The following LUZP1 variants were observed in gnomAD, a reference collection of about 807,000 sequenced individuals.
LUZP1 encodes the protein filamin mechanobinding actin cross-linking protein.
Under a neutral mutation model 71.3 loss-of-function variants are expected in LUZP1, and 25 were observed. The ratio of observed to expected loss-of-function variants is 0.35; its 90% CI spans 0.26 to 0.49. LUZP1 has a LOEUF of 0.49. Ranked by LOEUF, LUZP1 falls within the 20% of genes least tolerant of loss-of-function variation. The pLI is 0.99. For synonymous variants in LUZP1, 481 were observed against 506.4 expected (o/e 0.95, Z 0.67); for missense variants, 1,142 against 1,300.8 (o/e 0.88, Z 1.88).
At chr1:23,097,129 G>A (rs1419540989) in intron 3 of LUZP1, among the ~76,000 whole-genome samples, 1 of 152,122 alleles carries the variant, frequency 6.6e-6, no homozygotes, top group Non-Finnish European at 1.5e-5. Flanking sequence ...GGAACAAAAA[G>A]GGTTGAACTT....
At chr1:23,107,027 G>A (rs571521278) in intron 3 of LUZP1, among the ~76,000 whole-genome samples, 113 of 152,304 alleles carry the variant, frequency 7.4e-4, no homozygotes, top group Middle Eastern at 6.8e-3. Context: ...CTCCAATCCA[G>A]CCACACGGCC....
In LUZP1 at chr1:23,093,007, T is replaced by G; in HGVS notation, c.1255A>C (p.Arg419=). The G allele has an allele frequency of 6.2e-7, 1 of 1,614,182 alleles. No homozygotes were observed. The highest frequency in any genetic ancestry group is 2.2e-5 in the East Asian group (1 of 44,886). Residue 419 remains arginine (R), a synonymous_variant, in exon 4 of 5, where the codon AGG becomes CGG. Coordinates refer to ENST00000302291, the Ensembl canonical transcript of LUZP1. This position sits in a 1 kb window ranked among gnomAD's most constrained non-coding sequence, Gnocchi z 4.2. ...GTGAAACTGGGAGAAGAAACCTGCC[T>G]GTTGCTCAGAGAATAGTTTTCATTG...
exon 5 of LUZP1, chr1:23,086,707 A>T (rs945737186): frequency 6.6e-6 from 1 of 152,570 alleles, no homozygotes; most frequent in Non-Finnish European, 1.5e-5. Flanking sequence ...AATGGCAGGG[A>T]GGCTGCAAGT....
chr1:23,092,695 G>A lies in LUZP1; in HGVS notation c.1567C>T (p.Pro523Ser), dbSNP rs902972221. Residue 523 changes from proline (P) to serine (S), a missense_variant, in exon 4 of 5, where the codon CCA becomes TCA. Transcript: ENST00000302291. Reference sequence around the variant, plus strand: ...GAAGCCTTGTCAGCTCTACCCAATGGGTCACTGGGAACAGATCCATGGGTG... The same window carrying A: ...GAAGCCTTGTCAGCTCTACCCAATGAGTCACTGGGAACAGATCCATGGGTG... 1.2e-6 allele frequency: 2 copies of A among 1,614,026 alleles called. No homozygotes were observed. Among genetic ancestry groups the A allele is most frequent in the Admixed American group, 1.7e-5 (1 of 60,022 alleles).
intron 1 of LUZP1, among the ~76,000 whole-genome samples, chr1:23,170,249 C>A (rs745907583): frequency 4.6e-5 from 7 of 152,266 alleles, no homozygotes; most frequent in Middle Eastern, 3.4e-3. Context: ...TTGTGGAGCT[C>A]AAGCTCTGAT....
chr1:23,130,988 TGGGCA>T (rs1644210687), intron 2 of LUZP1, among the ~76,000 whole-genome samples: 1 of 151,618 alleles, frequency 6.6e-6, no homozygotes, highest in African/African-American at 2.4e-5. Context: ...GAGGCAGAGG[TGGGCA>T]GATCACCTGA....
intron 3 of LUZP1, among the ~76,000 whole-genome samples, chr1:23,103,869 A>G (rs1569573353): frequency 1.9e-4 from 1 of 5,166 alleles, no homozygotes; most frequent in African/African-American, 8.2e-4. Flanking sequence ...GGAGGGAGGG[A>G]GGGAGGGAGG....
chr1:23,105,684 C>T (rs1643975234), intron 3 of LUZP1, among the ~76,000 whole-genome samples: 2 of 152,204 alleles, frequency 1.3e-5, no homozygotes, highest in African/African-American at 4.8e-5. Context: ...TCTACACTGT[C>T]TAGCCTGCAA....
At chr1:23,087,189 A>G (rs1329384924) in exon 5 of LUZP1, 1 of 152,194 alleles carries the variant, frequency 6.6e-6, no homozygotes, top group African/African-American at 2.4e-5. Flanking sequence ...AGACCATCCC[A>G]TCTAATCCCT....
exon 5 of LUZP1, chr1:23,086,912 G>C (rs1643774360): frequency 6.6e-6 from 1 of 152,390 alleles, no homozygotes; most frequent in African/African-American, 2.4e-5. Context: ...GTCCCTGAAA[G>C]TAAGGTAGGT....
chr1:23,161,637 G>C (rs1487449218), intron 2 of LUZP1, among the ~76,000 whole-genome samples: 1 of 152,066 alleles, frequency 6.6e-6, no homozygotes, highest in Non-Finnish European at 1.5e-5. Context: ...CGTAACAGAG[G>C]CATAATGGGC....
intron 2 of LUZP1, among the ~76,000 whole-genome samples, chr1:23,154,497 A>G (rs993198478): frequency 6.6e-5 from 10 of 152,126 alleles, no homozygotes; most frequent in African/African-American, 2.4e-4. Flanking sequence ...TCATGATCAC[A>G]TACTGCATTC....
intron 2 of LUZP1, among the ~76,000 whole-genome samples, chr1:23,162,016 A>ATT (rs1644470461): frequency 1.7e-5 from 2 of 115,918 alleles, no homozygotes; most frequent in Non-Finnish European, 3.3e-5. Context: ...ACAGAACGAG[A>ATT]CTGTCTCAAA....
chr1:23,136,597 C>T (rs551772646), intron 2 of LUZP1, among the ~76,000 whole-genome samples: 7 of 151,636 alleles, frequency 4.6e-5, no homozygotes, highest in Non-Finnish European at 1.0e-4. Flanking sequence ...TCTCTGGCCG[C>T]GACAATGACA....
chr1:23,170,658 T>G (rs1644546730), intron 1 of LUZP1, among the ~76,000 whole-genome samples: 1 of 151,718 alleles, frequency 6.6e-6, no homozygotes, highest in African/African-American at 2.4e-5. Context: ...GTAGAGACGG[T>G]GTTTCACCAT....
In LUZP1 at chr1:23,094,205, C is replaced by T. The variant is rs1643880948; in HGVS notation, c.57G>A (p.Lys19=). Residue 19 remains lysine (K), a synonymous_variant, in exon 4 of 5, where the codon AAG becomes AAA. Coordinates refer to ENST00000302291, the Ensembl canonical transcript of LUZP1. This position sits in a 1 kb window ranked among gnomAD's most constrained non-coding sequence, Gnocchi z 4.7. ...CAAGGCGGCGGCTTAGACTCTGTAG[C>T]TTAAACCGCAAGTGGCGGCTGGAGG... 2 of 1,613,178 alleles carry T rather than the reference C, an allele frequency of 1.2e-6. No individual in the cohort carries two copies. The highest frequency in any genetic ancestry group is 1.3e-5 in the African/African-American group (1 of 74,830).
intron 4 of LUZP1, 83 bp downstream of exon 3, chr1:23,091,106 AG>A: frequency 7.4e-7 from 1 of 1,353,910 alleles, no homozygotes; most frequent in Non-Finnish European, 1.0e-6. Flanking sequence ...TGGGTCACAC[AG>A]GCCAGAGCAG....
chr1:23,170,462 CTTTTTT>C (rs200073505), intron 1 of LUZP1, among the ~76,000 whole-genome samples: 1 of 127,444 alleles, frequency 7.8e-6, no homozygotes, highest in Non-Finnish European at 1.7e-5. Flanking sequence ...CTTTTTCTTT[CTTTTTT>C]TTTTTTTTTT....
intron 2 of LUZP1, among the ~76,000 whole-genome samples, chr1:23,138,997 C>CAAAAAAAAA (rs535524035): frequency 0.013 from 287 of 21,574 alleles, 46 homozygotes; most frequent in Middle Eastern, 0.062. Flanking sequence ...GACTCCATCT[C>CAAAAAAAAA]AAAAAAAAAA....
Sources: gnomAD v4.1 joint callset for allele counts (sites outside exome capture counted in the v4.1 genomes callset) on GRCh38, gnomAD v4.1.1 for gene constraint, Gnocchi (gnomAD v3.1) non-coding constraint, MANE v1.5 for transcripts, NCBI Gene and HGNC (gene_info 2026-07-23, HGNC 2026-07-21) for gene names.